Variants in OLA1 observed in about 807,000 individuals in gnomAD.
The protein encoded by OLA1 is Obg like ATPase 1, also known as obg-like ATPase 1.
In OLA1, 14 loss-of-function variants were observed where a neutral mutation model predicts 48.4. The ratio of observed to expected loss-of-function variants is 0.29; its 90% CI spans 0.19 to 0.45. The LOEUF is 0.45. Among genes scored for constraint, OLA1 ranks in the 20% least tolerant of loss-of-function variants. OLA1 has a pLI of 1.00. For synonymous variants in OLA1, 127 were observed against 150.4 expected (o/e 0.84, Z 1.14); for missense variants, 325 against 467.1 (o/e 0.70, Z 2.80).
chr2:174,123,119 T>A lies in OLA1; in HGVS notation c.728+61A>T, dbSNP rs1685955544. On this transcript the variant is annotated intron_variant, in intron 7 of 10. Transcript: ENST00000284719. ...TTGCCGTTAAGTACATATATGTGGGTGTGTGTTTGTGTGTGTACAGAGATG... is the reference window on the plus strand; with the variant it reads ...TTGCCGTTAAGTACATATATGTGGGAGTGTGTTTGTGTGTGTACAGAGATG... 4.1e-6 allele frequency: 3 copies of A among 730,374 alleles called. No individual in the cohort carries two copies. In the Admixed American group the frequency reaches 7.3e-5, roughly 18 times the overall value. The allele number at this position is 730,374 out of a possible 1,614,324, so 45.2% of individuals were successfully genotyped here. A position where few individuals can be genotyped will look rare whatever the true frequency, so the allele number is the denominator to read the frequency against.
intron 7 of OLA1, among the ~76,000 whole-genome samples, chr2:174,114,417 A>G (rs569307640): frequency 1.0e-3 from 153 of 151,582 alleles, no homozygotes; most frequent in Non-Finnish European, 1.9e-3. Context: ...GAAGCAGGAC[A>G]TACAAAAGAA....
intron 10 of OLA1, among the ~76,000 whole-genome samples, chr2:174,075,931 G>C (rs1250019237): frequency 6.6e-6 from 1 of 152,170 alleles, no homozygotes; most frequent in Non-Finnish European, 1.5e-5. Flanking sequence ...TGCTTTATTT[G>C]CTTAAAGAAA....
At chr2:174,120,961 A>G (rs1436896111) in intron 7 of OLA1, among the ~76,000 whole-genome samples, 2 of 152,200 alleles carry the variant, frequency 1.3e-5, no homozygotes, top group African/African-American at 2.4e-5. Context: ...GTTAATCTTA[A>G]AAAACAAAAA....
At chr2:174,083,189 A>T (rs1684895004) in intron 7 of OLA1, among the ~76,000 whole-genome samples, 1 of 152,172 alleles carries the variant, frequency 6.6e-6, no homozygotes, top group Admixed American at 6.5e-5. Flanking sequence ...TGCTATATTT[A>T]GACAAAGGTT....
At chr2:174,078,267 C>A (rs1358381551) in intron 10 of OLA1, among the ~76,000 whole-genome samples, 2 of 151,904 alleles carry the variant, frequency 1.3e-5, no homozygotes, top group Non-Finnish European at 2.9e-5. Context: ...AATTAAAGAA[C>A]CTTCCTACAA....
chr2:174,159,655 A>G (rs1489867835), intron 4 of OLA1, among the ~76,000 whole-genome samples: 1 of 152,158 alleles, frequency 6.6e-6, no homozygotes, highest in Non-Finnish European at 1.5e-5. Flanking sequence ...TATAATAAAT[A>G]AAATGATTAA....
At chr2:174,106,465 T>A (rs1393224947) in intron 7 of OLA1, among the ~76,000 whole-genome samples, 1 of 152,120 alleles carries the variant, frequency 6.6e-6, no homozygotes, top group East Asian at 1.9e-4. Context: ...GATAAATGAG[T>A]TTACCTCACT....
intron 4 of OLA1, among the ~76,000 whole-genome samples, chr2:174,210,884 T>G (rs1426273876): frequency 6.6e-6 from 1 of 152,130 alleles, no homozygotes; most frequent in Non-Finnish European, 1.5e-5. Flanking sequence ...TTCTTACCTT[T>G]GAAAAAGAAA....
In OLA1 at chr2:174,097,135, G is replaced by A. The variant is rs187069972; in HGVS notation, c.729-15071C>T. On this transcript the variant is annotated intron_variant, in intron 7 of 10. Coordinates refer to ENST00000284719, the MANE Select transcript of OLA1 (RefSeq NM_013341.5). ...CGCACCACTACACTCCAGCCTGGGC[G>A]AAAGAGCAAAACTCCGTCTCAAAAT... Among the ~76,000 whole-genome samples the A allele has an allele frequency of 8.6e-3, 1,307 of 152,256 alleles. 16 individuals are homozygous for A. Among genetic ancestry groups the A allele is most frequent in the Admixed American group, 0.013 (191 of 15,280 alleles).
chr2:174,194,628 G>A lies in OLA1; in HGVS notation c.373+28405C>T, dbSNP rs75718417. ...TTCAAAGATTTAAAAATCCCAATAC[G>A]TAAATTAACATGTGCCCAATTCTTA... On this transcript the variant is annotated intron_variant, in intron 4 of 10. Transcript: ENST00000284719. Among the ~76,000 whole-genome samples the A allele has an allele frequency of 9.2e-5, 14 of 152,134 alleles. No homozygotes were observed. In the East Asian group the frequency reaches 2.7e-3, roughly 29 times the overall value.
At chr2:174,227,013 G>A (rs569338903) in intron 3 of OLA1, among the ~76,000 whole-genome samples, 14 of 152,000 alleles carry the variant, frequency 9.2e-5, no homozygotes, top group South Asian at 2.1e-4. Flanking sequence ...TCATTTGACC[G>A]TGCCCAGGAG....
At chr2:174,235,637 G>A (rs569132656) in intron 2 of OLA1, among the ~76,000 whole-genome samples, 1 of 152,298 alleles carries the variant, frequency 6.6e-6, no homozygotes, top group East Asian at 1.9e-4. Context: ...ACAGAACCCA[G>A]TAGTCACACC....
chr2:174,081,302 T>C (rs1024824234), intron 8 of OLA1, 54 bp from the exon 9 acceptor site: 58 of 1,319,230 alleles, frequency 4.4e-5, no homozygotes, highest in African/African-American at 5.8e-5. Context: ...GTGCCAGAAA[T>C]TGGTATAGAG....
intron 5 of OLA1, among the ~76,000 whole-genome samples, chr2:174,124,096 GC>G (rs1685986031): frequency 6.6e-6 from 1 of 152,106 alleles, no homozygotes; most frequent in African/African-American, 2.4e-5. Flanking sequence ...ACAAAATTGA[GC>G]CTATTATCGA....
chr2:174,181,984 C>T (rs552141822), intron 4 of OLA1, among the ~76,000 whole-genome samples: 2 of 152,104 alleles, frequency 1.3e-5, no homozygotes, highest in Admixed American at 1.3e-4. Flanking sequence ...ACTATCATAT[C>T]CTTGAGTGAA....
chr2:174,145,528 T>C (rs6755726), intron 4 of OLA1, among the ~76,000 whole-genome samples: 1,990 of 152,294 alleles, frequency 0.013, 43 homozygotes, highest in African/African-American at 0.044. Context: ...TCTCTTTCAA[T>C]TTGTCTATGT....
rs760419464 is a variant in OLA1 at position 174,218,988 on chromosome 2, A to AT, written c.373+4044dup. Among the ~76,000 whole-genome samples the AT allele has an allele frequency of 3.3e-3, 286 of 86,448 alleles. 2 individuals carry two copies. Among genetic ancestry groups the AT allele is most frequent in the East Asian group, 8.6e-3 (12 of 1,400 alleles). 56.7% of individuals were successfully genotyped at this position (86,448 alleles called of 152,430 possible). A position where few individuals can be genotyped will look rare whatever the true frequency, so the allele number is the denominator to read the frequency against. On this transcript the variant is annotated intron_variant, in intron 4 of 10. Coordinates refer to ENST00000284719, the MANE Select transcript of OLA1 (RefSeq NM_013341.5). ...AGGCACAGGCCACCAAGGCCGGCTA[A>AT]TTTTTTTTTTTTTTTTTTGTAGCAA... is the stretch of plus-strand genomic sequence containing the variant.
chr2:174,232,476 A>G (rs1688751004), intron 2 of OLA1, among the ~76,000 whole-genome samples: 1 of 152,232 alleles, frequency 6.6e-6, no homozygotes, highest in Non-Finnish European at 1.5e-5. Context: ...GTATAATTAC[A>G]TATTTTCTAC....
rs1306086246 is a variant in OLA1, at chr2:174,088,102, CA to C, written c.729-6039del. Reference sequence around the variant, plus strand: ...GTCAAGAACCACATCTCAATATACACAAAATGATGCAACTTACATAAAAGAG... The same window carrying C: ...GTCAAGAACCACATCTCAATATACACAAATGATGCAACTTACATAAAAGAG... On this transcript the variant is annotated intron_variant, in intron 7 of 10. Transcript: ENST00000284719. 4.6e-5 allele frequency among the ~76,000 whole-genome samples: 7 copies of C among 152,264 alleles called. No homozygotes were observed. In the East Asian group the frequency reaches 1.3e-3, roughly 29 times the overall value.
Sources: gnomAD v4.1 joint callset for allele counts (sites outside exome capture counted in the v4.1 genomes callset) on GRCh38, gnomAD v4.1.1 for gene constraint, MANE v1.5 for transcripts, NCBI Gene and HGNC (gene_info 2026-07-23, HGNC 2026-07-21) for gene names.